Variants in ZNF276 observed in about 807,000 individuals in gnomAD.
ZNF276 encodes centromere protein Z.
ZNF276 carries 59 observed loss-of-function variants against 63.9 expected under a neutral mutation model. The ratio of observed to expected loss-of-function variants is 0.92; its 90% CI spans 0.75 to 1.15. The LOEUF is 1.15. Ranked by LOEUF, ZNF276 falls within the 50% of genes most tolerant of loss-of-function variation. The pLI, the probability that ZNF276 is intolerant of heterozygous loss-of-function variation, is 0.00. For synonymous variants in ZNF276, 496 were observed against 348.4 expected (o/e 1.42, Z -4.72); for missense variants, 1,084 against 843.8 (o/e 1.28, Z -3.53).
chr16:89,721,864 C>A lies in ZNF276; in HGVS notation c.205+19C>A, dbSNP rs1490322700. On this transcript the variant is annotated intron_variant, in intron 1 of 10. Coordinates refer to ENST00000443381, the MANE Select transcript of ZNF276 (RefSeq NM_001113525.2). ...GAGGCAGGTGGGTCCGCGGCCCGGGCGTGGCGGGTTGGGGTCGCGGCAGGG... is the reference window on the plus strand; with the variant it reads ...GAGGCAGGTGGGTCCGCGGCCCGGGAGTGGCGGGTTGGGGTCGCGGCAGGG... The A allele has an allele frequency of 4.2e-6, 5 of 1,200,600 alleles. No individual in the cohort carries two copies. Among genetic ancestry groups the A allele is most frequent in the Non-Finnish European group, 5.2e-6 (5 of 967,572 alleles). 74.4% of individuals were successfully genotyped at this position (1,200,600 alleles called of 1,614,324 possible). A position where few individuals can be genotyped will look rare whatever the true frequency, so the allele number is the denominator to read the frequency against.
chr16:89,733,880 G>A lies in ZNF276; in HGVS notation c.1357-41G>A, dbSNP rs746858509. 2.2e-5 allele frequency: 35 copies of A among 1,595,614 alleles called. No individual in the cohort carries two copies. The South Asian group carries it at 2.4e-4, about 11-fold the overall frequency. On this transcript the variant is annotated intron_variant, in intron 8 of 10. Transcript: ENST00000443381. ...ACTGAGGGCTCGTGCCATGTGGCCC[G>A]GGTGCGGCTCTGAGGGTCTCTCACC...
chr16:89,739,963 C>T lies in ZNF276; in HGVS notation c.*1717C>T, dbSNP rs778785348. The stretch of plus-strand genomic sequence containing the variant: ...GATGCCTCTGAAAAGAGCGGCCCTC[C>T]GCATTTGTGCCTCAGCAGCGTGTTT... On this transcript the variant is annotated 3_prime_UTR_variant, in exon 11 of 11. Transcript: ENST00000443381. The T allele has an allele frequency of 2.3e-5, 37 of 1,612,206 alleles. No homozygotes were observed. The highest frequency in any genetic ancestry group is 1.6e-4 in the Middle Eastern group (1 of 6,080).
upstream of ZNF276, chr16:89,721,530 C>T: frequency 3.5e-6 from 4 of 1,144,218 alleles, no homozygotes; most frequent in South Asian, 3.3e-5. Flanking sequence ...CGCTCCGCCC[C>T]TCCCCCGCCC....
At chr16:89,734,064 C>T (rs757311807) in intron 9 of ZNF276, 26 bp downstream of exon 9, 22 of 1,605,542 alleles carry the variant, frequency 1.4e-5, no homozygotes, top group South Asian at 7.7e-5. Context: ...GTGTCGCCCA[C>T]GCGGGTGACA....
rs1008060451 is a variant in ZNF276 at position 89,740,392 on chromosome 16, C to T, written c.*2146C>T. On this transcript the variant is annotated 3_prime_UTR_variant, in exon 11 of 11. Coordinates refer to ENST00000443381, the MANE Select transcript of ZNF276 (RefSeq NM_001113525.2). Reference sequence around the variant, plus strand: ...CAGTGGCTCATGCCTGTAATCCCAACACTTTGGGAGGCCGAGGTCGGCGGA... The same window carrying T: ...CAGTGGCTCATGCCTGTAATCCCAATACTTTGGGAGGCCGAGGTCGGCGGA... 2.0e-6 allele frequency: 1 copy of T among 494,324 alleles called. No homozygotes were observed. The highest frequency in any genetic ancestry group is 1.9e-5 in the African/African-American group (1 of 51,830). The allele number at this position is 494,324 out of a possible 1,614,324, so 30.6% of individuals were successfully genotyped here.
Position 89,739,588 on chromosome 16 carries a change from A to C in ZNF276, c.*1342A>C. ...CAAGAAGTGGCTCAGGCAACTCTGG[A>C]CATCTCTGCCTATTATCAGTGCTGG... is the stretch of plus-strand genomic sequence containing the variant. On this transcript the variant is annotated 3_prime_UTR_variant, in exon 11 of 11. Coordinates refer to ENST00000443381, the MANE Select transcript of ZNF276 (RefSeq NM_001113525.2). 6.5e-7 allele frequency: 1 copy of C among 1,547,520 alleles called. No homozygotes were observed. Among genetic ancestry groups the C allele is most frequent in the Non-Finnish European group, 8.7e-7 (1 of 1,144,042 alleles).
chr16:89,737,921 G>A lies in ZNF276; in HGVS notation c.1574+16G>A, dbSNP rs1567588409. ...AGCCTTTGCAGTAAGTGTGAGTCAG[G>A]ACCCCCTCCCAGGGCTGTGGCCCTC... On this transcript the variant is annotated intron_variant, in intron 10 of 10. Transcript: ENST00000443381. 2.5e-6 allele frequency: 4 copies of A among 1,571,352 alleles called. No individual in the cohort carries two copies. The highest frequency in any genetic ancestry group is 1.8e-5 in the Admixed American group (1 of 55,208).
At chr16:89,729,417 C>CT (rs2061574368) in intron 6 of ZNF276, 99 bp downstream of exon 6, 14 of 1,070,586 alleles carry the variant, frequency 1.3e-5, no homozygotes, top group Non-Finnish European at 2.0e-5. Flanking sequence ...TCAGTTCACT[C>CT]TCTCGTGTGC....
At chr16:89,722,371 G>A (rs1357859900) in intron 1 of ZNF276, among the ~76,000 whole-genome samples, 160 bp from the exon 2 acceptor site, 4 of 152,226 alleles carry the variant, frequency 2.6e-5, no homozygotes, top group Non-Finnish European at 5.9e-5. Flanking sequence ...CCCCCACAGG[G>A]CGGCTTGTCC....
chr16:89,720,769 C>A (rs759021430), upstream of ZNF276: 1 of 1,451,544 alleles, frequency 6.9e-7, no homozygotes, highest in Non-Finnish European at 9.1e-7. Flanking sequence ...TCACCCGGGG[C>A]CGGTTGCCGG....
At chr16:89,724,066 G>A (rs1351302019) in intron 4 of ZNF276, among the ~76,000 whole-genome samples, 8 of 152,232 alleles carry the variant, frequency 5.3e-5, no homozygotes, top group African/African-American at 4.8e-5. Flanking sequence ...AAGAATGGCC[G>A]TTGCCTCTGC....
intron 9 of ZNF276, among the ~76,000 whole-genome samples, chr16:89,736,408 T>C (rs1342992092): frequency 1.3e-5 from 2 of 149,654 alleles, no homozygotes; most frequent in Non-Finnish European, 3.0e-5. Context: ...CACTGCAACC[T>C]CCACCTCCTG....
intron 4 of ZNF276, among the ~76,000 whole-genome samples, chr16:89,724,731 C>T (rs988278379): frequency 4.6e-5 from 7 of 152,166 alleles, no homozygotes; most frequent in Non-Finnish European, 7.3e-5. Context: ...CAGGTAGGAA[C>T]GGGATTGTGA....
intron 2 of ZNF276, 57 bp from the exon 3 acceptor site, chr16:89,723,080 G>T: frequency 6.2e-7 from 1 of 1,612,326 alleles, no homozygotes; most frequent in Non-Finnish European, 8.5e-7. Flanking sequence ...CCCGTACGAC[G>T]AGCGCTGTGA....
chr16:89,720,498 C>G, upstream of ZNF276: 2 of 1,131,002 alleles, frequency 1.8e-6, no homozygotes, highest in Non-Finnish European at 2.2e-6. Flanking sequence ...GCTACATCTC[C>G]TCTACAGGTG....
chr16:89,740,530 GGA>G lies in ZNF276; in HGVS notation c.*2286_*2287del. The G allele has an allele frequency of 2.0e-6, 1 of 512,162 alleles. No homozygotes were observed. Among genetic ancestry groups the G allele is most frequent in the Non-Finnish European group, 3.5e-6 (1 of 286,408 alleles). 31.7% of individuals were successfully genotyped at this position (512,162 alleles called of 1,614,324 possible). A position where few individuals can be genotyped will look rare whatever the true frequency, so the allele number is the denominator to read the frequency against. Reference sequence around the variant, plus strand: ...TCACGCCTGTAATCCCAGCTACTCGGGAGGCTGATGCAGGAGAATTGCTTGAA... The same window carrying G: ...TCACGCCTGTAATCCCAGCTACTCGGGGCTGATGCAGGAGAATTGCTTGAA... On this transcript the variant is annotated 3_prime_UTR_variant, in exon 11 of 11. Coordinates refer to ENST00000443381, the MANE Select transcript of ZNF276 (RefSeq NM_001113525.2).
Position 89,722,813 on chromosome 16 carries a change from G to T in ZNF276, c.488G>T (p.Gly163Val). The change falls in exon 2 of 11, where the codon GGT (glycine) becomes GTT (valine). Residue 163 changes from glycine to valine, a missense_variant. Physicochemically the swap from Gly to Val is moderately radical, Grantham distance 109. Transcript: ENST00000443381. ...FLQRVNASPA[G>V]RRKPCAKVGA... The stretch of plus-strand genomic sequence containing the variant: ...CAGAGGGTCAACGCCTCCCCGGCTG[G>T]TCGCCGGAAGCCTTGTGCAAAGTAC... The T allele has an allele frequency of 2.5e-6, 4 of 1,604,068 alleles. No homozygotes were observed. Among genetic ancestry groups the T allele is most frequent in the South Asian group, 1.1e-5 (1 of 91,088 alleles).
Position 89,723,543 on chromosome 16 carries a change from G to A in ZNF276, c.840G>A (p.Gly280=). Residue 280 remains glycine (G), a synonymous_variant, in exon 4 of 11, where the codon GGG becomes GGA. Coordinates refer to ENST00000443381, the MANE Select transcript of ZNF276 (RefSeq NM_001113525.2). ...CCCAGCACCGAGGGTGGAACCCTGGGGATGCCCCTCAGACCTCCCAGGGTA... is the reference window on the plus strand; with the variant it reads ...CCCAGCACCGAGGGTGGAACCCTGGAGATGCCCCTCAGACCTCCCAGGGTA... ...RLPQHRGWNP[G]DAPQTSQGRG... The A allele has an allele frequency of 6.2e-7, 1 of 1,612,806 alleles. No homozygotes were observed. Among genetic ancestry groups the A allele is most frequent in the Non-Finnish European group, 8.5e-7 (1 of 1,179,976 alleles).
At chr16:89,723,228 G>A (rs775263326) in intron 3 of ZNF276, 32 bp from the exon 4 acceptor site, 8 of 1,613,240 alleles carry the variant, frequency 5.0e-6, no homozygotes, top group African/African-American at 1.3e-5. Context: ...CCGACCAGCC[G>A]TGGATCTGAC....
Sources: gnomAD v4.1 joint callset for allele counts (sites outside exome capture counted in the v4.1 genomes callset) on GRCh38, gnomAD v4.1.1 for gene constraint, MANE v1.5 for transcripts, NCBI Gene and HGNC (gene_info 2026-07-23, HGNC 2026-07-21) for gene names.